RIMS2: variants seen among roughly 807,000 people sequenced by gnomAD.
RIMS2 encodes the protein regulating synaptic membrane exocytosis 2.
Under a neutral mutation model 174.4 loss-of-function variants are expected in RIMS2, and 59 were observed. That is an observed-to-expected ratio of 0.34 (90% confidence interval 0.27 to 0.42). The LOEUF is 0.42. Ranked by LOEUF, RIMS2 falls within the 10% of genes least tolerant of loss-of-function variation. RIMS2 has a pLI of 1.00. For missense variants in RIMS2, 1,620 were observed against 1,666.3 expected (o/e 0.97, Z 0.48); for synonymous variants, 606 against 572.5 (o/e 1.06, Z -0.84).
At chr8:103,752,092 T>A (rs149831641) in intron 2 of RIMS2, among the ~76,000 whole-genome samples, 17,640 of 152,276 alleles carry the variant, frequency 0.12, 1,357 homozygotes, top group Non-Finnish European at 0.17. Context: ...AGGTCTAATG[T>A]TTAAGTCTTT....
intron 1 of RIMS2, among the ~76,000 whole-genome samples, chr8:103,622,100 A>G (rs915828619): frequency 6.6e-6 from 1 of 152,204 alleles, no homozygotes; most frequent in African/African-American, 2.4e-5. Context: ...TATAAAAATT[A>G]TTCACAAAGA....
intron 19 of RIMS2, among the ~76,000 whole-genome samples, chr8:104,070,867 A>G (rs2097184089): frequency 6.6e-6 from 1 of 152,184 alleles, no homozygotes; most frequent in Non-Finnish European, 1.5e-5. Flanking sequence ...GTCTGTGAAA[A>G]AAATGTATAG....
intron 1 of RIMS2, among the ~76,000 whole-genome samples, chr8:103,508,012 A>C (rs1245002141): frequency 6.6e-6 from 1 of 152,158 alleles, no homozygotes; most frequent in East Asian, 1.9e-4. Flanking sequence ...TGTCAGACTA[A>C]TCTTACTAGT....
At chr8:103,698,887 T>A (rs1390072851) in intron 2 of RIMS2, among the ~76,000 whole-genome samples, 1 of 152,200 alleles carries the variant, frequency 6.6e-6, no homozygotes, top group Non-Finnish European at 1.5e-5. Flanking sequence ...GCTGGCCTGA[T>A]AAAATGTGTT....
chr8:103,563,795 T>C lies in RIMS2; in HGVS notation c.176+62733T>C, dbSNP rs2091965768. ...TAATGGACTTACAGTTCCACGTGGCTGGGAAGGTCTCACAATCATGGCAGA... is the reference window on the plus strand; with the variant it reads ...TAATGGACTTACAGTTCCACGTGGCCGGGAAGGTCTCACAATCATGGCAGA... On this transcript the variant is annotated intron_variant, in intron 1 of 23. Transcript: ENST00000504942. Among the ~76,000 whole-genome samples, 3 of 152,140 alleles carry C rather than the reference T, an allele frequency of 2.0e-5. No homozygotes were observed. The South Asian group carries it at 6.2e-4, about 32-fold the overall frequency.
chr8:104,255,288 A>G (rs2099366276), downstream of RIMS2: 2 of 150,264 alleles, frequency 1.3e-5, no homozygotes, highest in Non-Finnish European at 2.9e-5. Flanking sequence ...CTGTATATGA[A>G]CAACATTTTC....
intron 4 of RIMS2, among the ~76,000 whole-genome samples, chr8:103,899,936 A>G (rs2099318272): frequency 1.3e-5 from 2 of 151,708 alleles, no homozygotes; most frequent in Admixed American, 6.6e-5. Context: ...CTTTCTACCT[A>G]TGGCTAGCAA....
intron 23 of RIMS2, among the ~76,000 whole-genome samples, 171 bp from the exon 30 acceptor site, chr8:104,251,431 T>C (rs79084734): frequency 0.045 from 6,806 of 152,312 alleles, 317 homozygotes; most frequent in East Asian, 0.14. Flanking sequence ...ATTTCCCCAG[T>C]GTACCTTTAG....
intron 1 of RIMS2, among the ~76,000 whole-genome samples, chr8:103,655,375 T>G (rs566730083): frequency 3.3e-5 from 5 of 152,148 alleles, no homozygotes; most frequent in African/African-American, 1.2e-4. Flanking sequence ...TAATTAAAGA[T>G]GGAAATACTA....
At chr8:103,852,589 A>G (rs745582579) in intron 3 of RIMS2, among the ~76,000 whole-genome samples, 11 of 151,698 alleles carry the variant, frequency 7.3e-5, no homozygotes, top group African/African-American at 2.2e-4. Context: ...CACAGTGTCT[A>G]TTGTTCCCAT....
intron 3 of RIMS2, among the ~76,000 whole-genome samples, chr8:103,821,161 A>T (rs1378325215): frequency 6.6e-6 from 1 of 151,654 alleles, no homozygotes; most frequent in Non-Finnish European, 1.5e-5. Flanking sequence ...TCTGAAAATA[A>T]CTATTTTTTG....
intron 2 of RIMS2, among the ~76,000 whole-genome samples, chr8:103,744,848 C>G (rs893254488): frequency 6.6e-6 from 1 of 152,180 alleles, no homozygotes; most frequent in Admixed American, 6.5e-5. Context: ...ATTGGCTTTC[C>G]TACCTTTCAT....
intron 15 of RIMS2, among the ~76,000 whole-genome samples, chr8:103,966,911 C>G (rs374095759): frequency 2.6e-5 from 4 of 151,756 alleles, no homozygotes; most frequent in South Asian, 2.1e-4. Context: ...TTGCAGTTAT[C>G]TTTCTGTTAC....
chr8:103,630,725 T>C (rs1414514799), intron 1 of RIMS2, among the ~76,000 whole-genome samples: 1 of 151,228 alleles, frequency 6.6e-6, no homozygotes, highest in Admixed American at 6.6e-5. Context: ...CCAAAAACAG[T>C]ATAGATAAAA....
chr8:104,074,487 C>T (rs2097254843), intron 19 of RIMS2, among the ~76,000 whole-genome samples: 1 of 151,880 alleles, frequency 6.6e-6, no homozygotes, highest in Non-Finnish European at 1.5e-5. Flanking sequence ...ATAATAGACA[C>T]CAGATATGAA....
At chr8:104,083,276 TCTAA>T (rs1385596321) in intron 19 of RIMS2, among the ~76,000 whole-genome samples, 2 of 152,182 alleles carry the variant, frequency 1.3e-5, no homozygotes, top group Admixed American at 1.3e-4. Context: ...GCTATTACCT[TCTAA>T]AGTACTAATA....
At chr8:103,688,900 T>C (rs2096976680) in intron 1 of RIMS2, among the ~76,000 whole-genome samples, 1 of 152,112 alleles carries the variant, frequency 6.6e-6, no homozygotes, top group Non-Finnish European at 1.5e-5. Context: ...ACTTTGGGCT[T>C]AGTTTGTTCT....
chr8:104,020,428 GCAT>G (rs1369597879), intron 19 of RIMS2, among the ~76,000 whole-genome samples: 2 of 151,940 alleles, frequency 1.3e-5, no homozygotes. Flanking sequence ...TTTAAAATAA[GCAT>G]AAGTATTAGT....
chr8:103,872,592 G>C (rs1444792016), intron 3 of RIMS2, among the ~76,000 whole-genome samples: 1 of 152,176 alleles, frequency 6.6e-6, no homozygotes, highest in Non-Finnish European at 1.5e-5. Flanking sequence ...TCTTCCTCTT[G>C]CTTAATGCCC....
Sources: allele counts gnomAD v4.1 joint callset (sites outside exome capture counted in the v4.1 genomes callset), GRCh38; gene constraint gnomAD v4.1.1; transcripts MANE v1.5; gene names NCBI Gene and HGNC (gene_info 2026-07-23, HGNC 2026-07-21).